Variants in C10orf90 observed in about 807,000 individuals in gnomAD.
C10orf90 encodes (E2-independent) E3 ubiquitin-conjugating enzyme FATS.
Under a neutral mutation model 62.5 loss-of-function variants are expected in C10orf90, and 56 were observed. The observed-to-expected ratio is 0.90, with a 90% CI of 0.72 to 1.12. The LOEUF is 1.12. Among genes scored for constraint, C10orf90 ranks in the 50% most tolerant of loss-of-function variants. The probability of loss-of-function intolerance (pLI) is 0.00; values close to 1 mark genes in which losing one functional copy is unlikely to be tolerated. For synonymous variants in C10orf90, 386 were observed against 340.4 expected (o/e 1.13, Z -1.47); for missense variants, 970 against 880.4 (o/e 1.10, Z -1.29).
chr10:126,465,179 C>T (rs556668661), intron 4 of C10orf90, among the ~76,000 whole-genome samples, 193 bp from the exon 5 acceptor site: 3 of 152,130 alleles, frequency 2.0e-5, no homozygotes, highest in South Asian at 2.1e-4. Context: ...TGGTGGTGTC[C>T]TTAGGAGCTC....
intron 2 of C10orf90, chr10:126,521,487 T>C (rs1863741210): frequency 6.9e-7 from 1 of 1,444,606 alleles, no homozygotes; most frequent in Admixed American, 2.8e-5. Flanking sequence ...ACCTCAAAGC[T>C]CTATATGTAA....
At chr10:126,469,619 C>T (rs529750445) in intron 4 of C10orf90, among the ~76,000 whole-genome samples, 1 of 152,342 alleles carries the variant, frequency 6.6e-6, no homozygotes, top group East Asian at 1.9e-4. Context: ...CAGGGTGGCC[C>T]TCAGCATCTC....
At chr10:126,486,014 G>T (rs1861420031) in intron 4 of C10orf90, among the ~76,000 whole-genome samples, 1 of 151,838 alleles carries the variant, frequency 6.6e-6, no homozygotes, top group Non-Finnish European at 1.5e-5. Flanking sequence ...CAGCTGGCAA[G>T]AATGTAAGGA....
chr10:126,532,559 C>A (rs1027279286), intron 2 of C10orf90, among the ~76,000 whole-genome samples: 2 of 151,816 alleles, frequency 1.3e-5, no homozygotes, highest in African/African-American at 4.8e-5. Context: ...AGCACATGGC[C>A]GGGCGCGGTG....
At position 126,429,775 on chromosome 10, in the gene C10orf90, A is replaced by G. The variant is rs1186186299; in HGVS notation, c.2252+12T>C. The G allele has an allele frequency of 1.2e-6, 2 of 1,613,582 alleles. No homozygotes were observed. The highest frequency in any genetic ancestry group is 1.3e-5 in the African/African-American group (1 of 75,024). ...CACCAACTTCTTTGCACACCATACA[A>G]TAACCAAGTACCTCTTAGATCGCAT... On this transcript the variant is annotated intron_variant, in intron 8 of 9. Transcript: ENST00000488181.
intron 4 of C10orf90, among the ~76,000 whole-genome samples, chr10:126,487,936 G>A (rs1861527538): frequency 6.6e-6 from 1 of 152,124 alleles, no homozygotes; most frequent in East Asian, 1.9e-4. Context: ...ACTTGCTCCA[G>A]AGATAAGTAA....
intron 4 of C10orf90, among the ~76,000 whole-genome samples, chr10:126,484,923 C>T (rs896820315): frequency 1.3e-5 from 2 of 152,164 alleles, no homozygotes; most frequent in Admixed American, 6.5e-5. Flanking sequence ...AAACAGGTCA[C>T]TCTAATTCGT....
intron 1 of C10orf90, among the ~76,000 whole-genome samples, chr10:126,649,074 C>CCG (rs1846237644): frequency 3.4e-5 from 2 of 58,762 alleles, no homozygotes; most frequent in African/African-American, 1.1e-4. Context: ...CTCTCTCTCC[C>CCG]CCCCCCCCAG....
intron 2 of C10orf90, among the ~76,000 whole-genome samples, chr10:126,630,045 A>G (rs1207219320): frequency 1.3e-5 from 2 of 152,230 alleles, no homozygotes; most frequent in Admixed American, 1.3e-4. Flanking sequence ...TCCTCTTAAA[A>G]TATAGATAAT....
intron 2 of C10orf90, among the ~76,000 whole-genome samples, chr10:126,627,031 G>A (rs149667675): frequency 6.7e-4 from 84 of 125,210 alleles, no homozygotes; most frequent in Admixed American, 2.0e-3. Flanking sequence ...ACGTAGTCTC[G>A]CTCTGTCACC....
intron 2 of C10orf90, chr10:126,520,709 G>C (rs763582303): frequency 6.6e-6 from 1 of 152,336 alleles, no homozygotes; most frequent in Non-Finnish European, 1.5e-5. Context: ...CAGAAATCCA[G>C]GTGTCAGGAC....
intron 4 of C10orf90, among the ~76,000 whole-genome samples, chr10:126,477,796 A>G (rs972466397): frequency 6.6e-6 from 1 of 152,182 alleles, no homozygotes. Flanking sequence ...TGCCATACAT[A>G]CAATCTCTGC....
chr10:126,610,987 A>T (rs1845420699), intron 2 of C10orf90, among the ~76,000 whole-genome samples: 1 of 151,940 alleles, frequency 6.6e-6, no homozygotes, highest in Admixed American at 6.6e-5. Flanking sequence ...TTTGATTGAG[A>T]TGTACTTGTT....
chr10:126,495,564 C>T (rs1476604961), intron 4 of C10orf90, among the ~76,000 whole-genome samples: 1 of 152,164 alleles, frequency 6.6e-6, no homozygotes, highest in Non-Finnish European at 1.5e-5. Flanking sequence ...ACTTTGACAA[C>T]ATCGTTTAAG....
At chr10:126,454,194 C>T (rs1859383802) in intron 7 of C10orf90, among the ~76,000 whole-genome samples, 1 of 151,906 alleles carries the variant, frequency 6.6e-6, no homozygotes, top group Non-Finnish European at 1.5e-5. Flanking sequence ...AGTGGCTCTG[C>T]CCCCTACTAC....
At chr10:126,547,539 A>T (rs1864530021) in intron 2 of C10orf90, among the ~76,000 whole-genome samples, 1 of 150,866 alleles carries the variant, frequency 6.6e-6, no homozygotes, top group Non-Finnish European at 1.5e-5. Flanking sequence ...CACTGAGAGG[A>T]CAAACACACC....
At chr10:126,639,538 C>A (rs1268869352) in intron 2 of C10orf90, among the ~76,000 whole-genome samples, 1 of 152,126 alleles carries the variant, frequency 6.6e-6, no homozygotes, top group Admixed American at 6.5e-5. Flanking sequence ...GGGTAGGTCT[C>A]CTCATTCCAC....
chr10:126,466,945 GT>G (rs1195139472), intron 4 of C10orf90, among the ~76,000 whole-genome samples: 2 of 152,196 alleles, frequency 1.3e-5, no homozygotes, highest in Non-Finnish European at 2.9e-5. Context: ...GACAGGAAAA[GT>G]CTGACAATAG....
chr10:126,605,820 G>A (rs919540616), intron 2 of C10orf90, among the ~76,000 whole-genome samples: 3 of 151,904 alleles, frequency 2.0e-5, no homozygotes, highest in South Asian at 4.2e-4. Context: ...ACCTGGAAAA[G>A]GCATGTCATG....
Sources: allele counts gnomAD v4.1 joint callset (sites outside exome capture counted in the v4.1 genomes callset), GRCh38; gene constraint gnomAD v4.1.1; transcripts MANE v1.5; gene names NCBI Gene and HGNC (gene_info 2026-07-23, HGNC 2026-07-21).